The following PCDHA5 variants were observed in gnomAD, a reference collection of about 807,000 sequenced individuals.
PCDHA5 encodes protocadherin alpha-5.
A neutral mutation model predicts 61.6 loss-of-function variants in PCDHA5; 43 were observed. That is an observed-to-expected ratio of 0.70 (90% CI 0.55 to 0.90). The LOEUF (loss-of-function observed/expected upper bound fraction) is 0.90. Ranked by LOEUF, PCDHA5 falls within the 40% of genes least tolerant of loss-of-function variation. The pLI is 0.00. For missense variants in PCDHA5, 1,298 were observed against 1,222.7 expected (o/e 1.06, Z -0.92); for synonymous variants, 627 against 543.9 (o/e 1.15, Z -2.13).
chr5:140,857,783 C>T lies in PCDHA5; in HGVS notation c.2352+33656C>T, dbSNP rs782463412. 1.5e-5 allele frequency: 24 copies of T among 1,597,710 alleles called. No individual in the cohort carries two copies. The East Asian group carries it at 4.7e-4, about 31-fold the overall frequency. ...CAGCGCGGGCGGTGCAGTCAGTGAG[C>T]TGGTGCTGCGGTCGGTGGTTGCGGG... is the stretch of plus-strand genomic sequence containing the variant. On this transcript the variant is annotated intron_variant, in intron 1 of 3. Transcript: ENST00000529859.
chr5:140,876,806 T>C (rs1554168956), intron 1 of PCDHA5: 2 of 1,613,976 alleles, frequency 1.2e-6, no homozygotes, highest in South Asian at 2.2e-5. Context: ...TCCGTGGAGG[T>C]GGCCGACGTG....
At chr5:140,985,154 G>T (rs2097139142) in intron 3 of PCDHA5, among the ~76,000 whole-genome samples, 1 of 152,086 alleles carries the variant, frequency 6.6e-6, no homozygotes, top group South Asian at 2.1e-4. Flanking sequence ...AGCCAGGATT[G>T]TCTCAATCTC....
chr5:140,967,485 C>A lies in PCDHA5; in HGVS notation c.2353-11464C>A, dbSNP rs781948599. 3.7e-6 allele frequency: 6 copies of A among 1,613,056 alleles called. No homozygotes were observed. In the South Asian group the frequency reaches 6.6e-5, roughly 18 times the overall value. On this transcript the variant is annotated intron_variant, in intron 1 of 3. Coordinates refer to ENST00000529859, the MANE Select transcript of PCDHA5 (RefSeq NM_018908.3). ...GGGGGCATCCCAGCCCGCTCGGGTA[C>A]GGCACAGATCTCTGTGCGTGTCCTG...
At chr5:140,852,963 C>T in intron 1 of PCDHA5, 1 of 424,740 alleles carries the variant, frequency 2.4e-6, no homozygotes, top group Non-Finnish European at 3.3e-6. Context: ...ACTCCAAGCT[C>T]CCCCTCCCGT....
chr5:140,864,619 T>A (rs895390232), intron 1 of PCDHA5: 2 of 152,222 alleles, frequency 1.3e-5, no homozygotes, highest in African/African-American at 4.8e-5. Flanking sequence ...TGTTCTTTTT[T>A]AAAAAGAAAA....
rs17844337 is a variant in PCDHA5 at position 140,851,004 on chromosome 5, A to AT, written c.2352+26885dup. The AT allele has an allele frequency of 8.9e-5, 128 of 1,434,992 alleles. 10 individuals are homozygous for AT. Among genetic ancestry groups the AT allele is most frequent in the East Asian group, 7.3e-4 (30 of 41,268 alleles). 88.9% of individuals were successfully genotyped at this position (1,434,992 alleles called of 1,614,324 possible). ...ATTCATTTTTCTAGAAATCCAGCAG[A>AT]TTTTTTTTCTGATAAAGTAAACCCC... On this transcript the variant is annotated intron_variant, in intron 1 of 3. Coordinates refer to ENST00000529859, the MANE Select transcript of PCDHA5 (RefSeq NM_018908.3).
intron 1 of PCDHA5, chr5:140,870,380 C>T (rs373356425): frequency 1.3e-5 from 21 of 1,614,064 alleles, no homozygotes; most frequent in East Asian, 2.2e-5. Flanking sequence ...GTGGTGACTG[C>T]GCGGGATGGG....
intron 1 of PCDHA5, among the ~76,000 whole-genome samples, chr5:140,977,726 C>T (rs368776202): frequency 2.0e-5 from 3 of 152,290 alleles, no homozygotes; most frequent in African/African-American, 7.2e-5. Flanking sequence ...GATCATTTCT[C>T]TCCTGGGTGT....
chr5:140,982,985 A>C (rs2097019022), intron 3 of PCDHA5, among the ~76,000 whole-genome samples: 1 of 152,162 alleles, frequency 6.6e-6, no homozygotes, highest in Non-Finnish European at 1.5e-5. Flanking sequence ...AAAGAAAGAG[A>C]AAAAGAAGGA....
At chr5:140,970,221 C>G (rs2096390879) in intron 1 of PCDHA5, among the ~76,000 whole-genome samples, 1 of 152,182 alleles carries the variant, frequency 6.6e-6, no homozygotes, top group South Asian at 2.1e-4. Context: ...TTAAATGCAG[C>G]CTGTAATCTT....
At chr5:140,863,233 C>T (rs2047882202) in intron 1 of PCDHA5, 3 of 1,240,302 alleles carry the variant, frequency 2.4e-6, no homozygotes, top group Non-Finnish European at 3.4e-6. Context: ...GGTCCCATCG[C>T]GGGCTTTGGC....
intron 1 of PCDHA5, among the ~76,000 whole-genome samples, chr5:140,937,818 A>T (rs190175998): frequency 0.029 from 4,407 of 151,960 alleles, 79 homozygotes; most frequent in Admixed American, 0.046. Context: ...AAGCTGAGGC[A>T]GGAGAATGGC....
chr5:140,966,545 G>T (rs1554228431), intron 1 of PCDHA5: 1 of 465,862 alleles, frequency 2.1e-6, no homozygotes, highest in East Asian at 3.5e-5. Context: ...CGACTCGGAG[G>T]CGAGCGGAGG....
chr5:140,869,873 A>C, intron 1 of PCDHA5: 8 of 1,610,644 alleles, frequency 5.0e-6, no homozygotes, highest in Non-Finnish European at 6.8e-6. Flanking sequence ...AATGCTGCTA[A>C]AGAAACTCTT....
chr5:140,891,468 T>C (rs1459925727), intron 1 of PCDHA5, among the ~76,000 whole-genome samples: 1 of 151,582 alleles, frequency 6.6e-6, no homozygotes, highest in Non-Finnish European at 1.5e-5. Context: ...TGTGAATTAA[T>C]GCCTTTACAT....
intron 1 of PCDHA5, among the ~76,000 whole-genome samples, chr5:140,826,711 G>A (rs1554130645): frequency 6.6e-6 from 1 of 152,172 alleles, no homozygotes; most frequent in African/African-American, 2.4e-5. Flanking sequence ...GTGGTATTGA[G>A]AAAGAGGAAG....
chr5:140,934,040 T>C (rs185239175), intron 1 of PCDHA5, among the ~76,000 whole-genome samples: 230 of 152,238 alleles, frequency 1.5e-3, no homozygotes, highest in African/African-American at 5.3e-3. Flanking sequence ...ATTAATGATA[T>C]TAGTCTTTCC....
intron 1 of PCDHA5, among the ~76,000 whole-genome samples, chr5:140,900,590 G>A (rs984247729): frequency 3.3e-5 from 5 of 152,174 alleles, no homozygotes; most frequent in South Asian, 2.1e-4. Flanking sequence ...TTCTTTACCC[G>A]TTCATCTGAT....
intron 1 of PCDHA5, among the ~76,000 whole-genome samples, chr5:140,899,002 G>T (rs1265936919): frequency 7.2e-4 from 110 of 151,880 alleles, no homozygotes; most frequent in African/African-American, 2.6e-3. Context: ...GTCTGTTATT[G>T]GTGTATAAGA....
Sources: gnomAD v4.1 joint callset for allele counts (sites outside exome capture counted in the v4.1 genomes callset) on GRCh38, gnomAD v4.1.1 for gene constraint, MANE v1.5 for transcripts, NCBI Gene and HGNC (gene_info 2026-07-23, HGNC 2026-07-21) for gene names.